The following UBE2W variants were observed in gnomAD, a reference collection of about 807,000 sequenced individuals.
UBE2W encodes ubiquitin conjugating enzyme E2 W, also known as ubiquitin-conjugating enzyme E2 W.
UBE2W carries 18 observed loss-of-function variants against 27.2 expected under a neutral mutation model. That is an observed-to-expected ratio of 0.66 (90% CI 0.46 to 0.98). The LOEUF is 0.98. UBE2W is among the 50% of genes least tolerant of loss of function. The pLI is 0.00. For missense variants in UBE2W, 90 were observed against 180.2 expected (o/e 0.50, Z 2.87); for synonymous variants, 53 against 57.2 (o/e 0.93, Z 0.33).
intron 5 of UBE2W, among the ~76,000 whole-genome samples, chr8:73,805,166 G>A (rs1808823000): frequency 6.6e-6 from 1 of 151,342 alleles, no homozygotes; most frequent in Non-Finnish European, 1.5e-5. Flanking sequence ...TAAAAATCTG[G>A]TGTAGTGCTG....
chr8:73,794,072 T>C lies in UBE2W; in HGVS notation c.*30A>G, dbSNP rs1808312078. 3.1e-6 allele frequency: 5 copies of C among 1,613,016 alleles called. No homozygotes were observed. In the South Asian group the frequency reaches 3.3e-5, roughly 11 times the overall value. ...AGTGCTCATTTTCTCAGTAGGACTA[T>C]CTTCTGCTAGGAGGATGATAACAGT... is the stretch of plus-strand genomic sequence containing the variant. On this transcript the variant is annotated 3_prime_UTR_variant, in exon 6 of 6. Coordinates refer to ENST00000602593, the MANE Select transcript of UBE2W (RefSeq NM_018299.6).
Position 73,788,287 on chromosome 8 carries a change from T to C in UBE2W, c.*5815A>G. ...ATTTAAAAAGTAGTGACTTTACATA[T>C]TTTGCAACTTGAGTTTATAAAATAT... On this transcript the variant is annotated 3_prime_UTR_variant, in exon 6 of 6. Coordinates refer to ENST00000602593, the MANE Select transcript of UBE2W (RefSeq NM_018299.6). 7.1e-6 allele frequency: 7 copies of C among 980,392 alleles called. No individual in the cohort carries two copies. Among genetic ancestry groups the C allele is most frequent in the Non-Finnish European group, 8.5e-6 (7 of 825,350 alleles). The allele number at this position is 980,392 out of a possible 1,614,324, so 60.7% of individuals were successfully genotyped here. A position where few individuals can be genotyped will look rare whatever the true frequency, so the allele number is the denominator to read the frequency against.
chr8:73,795,683 G>T, intron 5 of UBE2W: 1 of 658,596 alleles, frequency 1.5e-6, no homozygotes, highest in Non-Finnish European at 1.9e-6. Context: ...GGGGGAAACA[G>T]ACTGGAGTTT....
intron 1 of UBE2W, among the ~76,000 whole-genome samples, chr8:73,845,770 C>T (rs572243617): frequency 4.0e-5 from 6 of 150,778 alleles, no homozygotes; most frequent in Non-Finnish European, 7.4e-5. Flanking sequence ...AGATTAGCTA[C>T]AAAGTTATAG....
rs1318457299 is a variant in UBE2W, at chr8:73,786,892, GT to G, written c.*7209del. ...AATTATAACAGGATAAAAGAAATATGTTTTCATTGAGGTATGGAAACATAAA... is the reference window on the plus strand; with the variant it reads ...AATTATAACAGGATAAAAGAAATATGTTTCATTGAGGTATGGAAACATAAA... On this transcript the variant is annotated 3_prime_UTR_variant, in exon 6 of 6. Transcript: ENST00000602593. The G allele has an allele frequency of 3.0e-6, 3 of 985,196 alleles. No individual in the cohort carries two copies. The highest frequency in any genetic ancestry group is 3.6e-6 in the Non-Finnish European group (3 of 829,890). The allele number at this position is 985,196 out of a possible 1,614,324, so 61.0% of individuals were successfully genotyped here.
intron 1 of UBE2W, among the ~76,000 whole-genome samples, chr8:73,847,624 G>A (rs1266747651): frequency 1.1e-4 from 12 of 105,774 alleles, no homozygotes; most frequent in Non-Finnish European, 2.0e-4. Flanking sequence ...TATTGCGGCC[G>A]GGTGCTGTGG....
At chr8:73,827,727 A>ATGGG (rs1234082220) in intron 2 of UBE2W, among the ~76,000 whole-genome samples, 2 of 151,506 alleles carry the variant, frequency 1.3e-5, no homozygotes, top group African/African-American at 4.9e-5. Flanking sequence ...TTCAGTAGAG[A>ATGGG]TGGGATCTCC....
chr8:73,803,765 TTTTC>T (rs1270686175), intron 5 of UBE2W, among the ~76,000 whole-genome samples: 1 of 134,118 alleles, frequency 7.5e-6, no homozygotes, highest in African/African-American at 4.0e-5. Context: ...TTCTTTTTTC[TTTTC>T]TTTTTTTTTT....
At chr8:73,844,885 G>C (rs1240985078) in intron 1 of UBE2W, among the ~76,000 whole-genome samples, 1 of 151,520 alleles carries the variant, frequency 6.6e-6, no homozygotes, top group African/African-American at 2.4e-5. Context: ...CACCCCGTCT[G>C]AGAAGTGAGG....
intron 5 of UBE2W, among the ~76,000 whole-genome samples, chr8:73,795,214 T>C (rs986844847): frequency 6.6e-6 from 1 of 152,136 alleles, no homozygotes; most frequent in Non-Finnish European, 1.5e-5. Flanking sequence ...AAATCTCATG[T>C]TGAAATGAGT....
intron 1 of UBE2W, among the ~76,000 whole-genome samples, chr8:73,860,820 T>C (rs1237073332): frequency 6.6e-6 from 1 of 152,060 alleles, no homozygotes; most frequent in African/African-American, 2.4e-5. Flanking sequence ...CAGGGAGCTA[T>C]CAAAACAGCC....
intron 1 of UBE2W, among the ~76,000 whole-genome samples, chr8:73,834,785 T>C (rs1810238107): frequency 1.3e-5 from 2 of 152,172 alleles, no homozygotes; most frequent in Admixed American, 1.3e-4. Flanking sequence ...GGCATGCGCC[T>C]GTAATCCCAG....
rs1256591954 is a variant in UBE2W, at chr8:73,839,345, G to A, written c.16-8873C>T. ...AAGACATTTTTTTAAAATGCTCCTAGTTAAAAAAAAAAAAAAAAAAAAGTA... is the reference window on the plus strand; with the variant it reads ...AAGACATTTTTTTAAAATGCTCCTAATTAAAAAAAAAAAAAAAAAAAAGTA... On this transcript the variant is annotated intron_variant, in intron 1 of 5. Transcript: ENST00000602593. Among the ~76,000 whole-genome samples the A allele has an allele frequency of 3.6e-4, 20 of 54,802 alleles. No individual in the cohort carries two copies. The East Asian group carries it at 7.5e-3, about 20-fold the overall frequency. The allele number at this position is 54,802 out of a possible 152,430, so 36.0% of individuals were successfully genotyped here.
rs147355035 is a variant in UBE2W, at chr8:73,837,003, T to G, written c.16-6531A>C. On this transcript the variant is annotated intron_variant, in intron 1 of 5. Coordinates refer to ENST00000602593, the MANE Select transcript of UBE2W (RefSeq NM_018299.6). Reference sequence around the variant, plus strand: ...GGTTCCAGTGGTTCATAGCCAAATATTACCCTTGTCTGTCCCAAAATTGGT... The same window carrying G: ...GGTTCCAGTGGTTCATAGCCAAATAGTACCCTTGTCTGTCCCAAAATTGGT... 2.7e-3 allele frequency among the ~76,000 whole-genome samples: 416 copies of G among 152,264 alleles called. 2 individuals are homozygous for G. The highest frequency in any genetic ancestry group is 9.7e-3 in the African/African-American group (404 of 41,542).
chr8:73,860,231 G>T (rs1221331458), intron 1 of UBE2W, among the ~76,000 whole-genome samples: 1 of 152,152 alleles, frequency 6.6e-6, no homozygotes, highest in Non-Finnish European at 1.5e-5. Flanking sequence ...GCTGAAAGAT[G>T]TGTATCATTA....
chr8:73,832,896 A>C (rs1310436568), intron 1 of UBE2W, among the ~76,000 whole-genome samples: 1 of 152,146 alleles, frequency 6.6e-6, no homozygotes, highest in Non-Finnish European at 1.5e-5. Flanking sequence ...CTAATTATAA[A>C]ACCCATAGTT....
At chr8:73,807,375 A>C (rs1199046754) in intron 4 of UBE2W, among the ~76,000 whole-genome samples, 1 of 152,240 alleles carries the variant, frequency 6.6e-6, no homozygotes, top group East Asian at 1.9e-4. Flanking sequence ...AGCAATCGTG[A>C]GTAGGACTCT....
rs148776815 is a variant in UBE2W at position 73,791,555 on chromosome 8, C to T, written c.*2547G>A. 6.8e-4 allele frequency: 670 copies of T among 985,096 alleles called. 3 individuals carry two copies. The African/African-American group carries it at 0.011, about 16-fold the overall frequency. 61.0% of individuals were successfully genotyped at this position (985,096 alleles called of 1,614,324 possible). On this transcript the variant is annotated 3_prime_UTR_variant, in exon 6 of 6. Coordinates refer to ENST00000602593, the MANE Select transcript of UBE2W (RefSeq NM_018299.6). Reference sequence around the variant, plus strand: ...CTGGTTGTCTTTCAACAATGCATTACAGAGAAATATTCTTTTTATTATTAC... The same window carrying T: ...CTGGTTGTCTTTCAACAATGCATTATAGAGAAATATTCTTTTTATTATTAC...
chr8:73,800,510 G>A (rs988530067), intron 5 of UBE2W, among the ~76,000 whole-genome samples: 11 of 152,154 alleles, frequency 7.2e-5, no homozygotes, highest in African/African-American at 2.4e-4. Flanking sequence ...TAATTCAGGT[G>A]AGTAAGAATC....
Sources: allele counts gnomAD v4.1 joint callset (sites outside exome capture counted in the v4.1 genomes callset), GRCh38; gene constraint gnomAD v4.1.1; transcripts MANE v1.5; gene names NCBI Gene and HGNC (gene_info 2026-07-23, HGNC 2026-07-21).